Variants in DPYD observed in about 807,000 individuals in gnomAD.
DPYD encodes the protein dihydropyrimidine dehydrogenase, also known as dihydropyrimidine dehydrogenase [NADP(+)].
Under a neutral mutation model 116.2 loss-of-function variants are expected in DPYD, and 109 were observed. The observed-to-expected ratio is 0.94, with a 90% CI of 0.80 to 1.10. The LOEUF is 1.10. DPYD is among the 50% of genes least tolerant of loss of function. DPYD has a pLI of 0.00. For synonymous variants in DPYD, 440 were observed against 432.0 expected, an observed-to-expected ratio of 1.02 and a Z score of -0.23; for missense variants, 1,302 against 1,254.5, an observed-to-expected ratio of 1.04 and a Z score of -0.57.
intron 12 of DPYD, among the ~76,000 whole-genome samples, chr1:97,539,192 G>A (rs887401998): frequency 6.6e-6 from 1 of 152,000 alleles, no homozygotes; most frequent in Non-Finnish European, 1.5e-5. Flanking sequence ...CTATTCAACG[G>A]CAATTATTCT....
intron 14 of DPYD, among the ~76,000 whole-genome samples, chr1:97,441,441 T>C (rs1187324285): frequency 6.6e-6 from 1 of 152,076 alleles, no homozygotes; most frequent in Non-Finnish European, 1.5e-5. Flanking sequence ...GCTTTTATTG[T>C]TATATTTTTA....
intron 20 of DPYD, among the ~76,000 whole-genome samples, chr1:97,173,034 T>C (rs1656849837): frequency 6.6e-6 from 1 of 152,032 alleles, no homozygotes; most frequent in African/African-American, 2.4e-5. Flanking sequence ...GGTAATTGAA[T>C]GGTTACGGGC....
At chr1:97,290,006 C>G (rs940376466) in intron 18 of DPYD, among the ~76,000 whole-genome samples, 3 of 152,138 alleles carry the variant, frequency 2.0e-5, no homozygotes, top group African/African-American at 7.2e-5. Context: ...GATACAAAAT[C>G]AATGTACAAA....
chr1:97,885,278 T>A (rs1321916639), intron 1 of DPYD, among the ~76,000 whole-genome samples: 2 of 152,014 alleles, frequency 1.3e-5, no homozygotes, highest in Non-Finnish European at 2.9e-5. Flanking sequence ...CAGAGAACTA[T>A]CAAAAAGACC....
intron 2 of DPYD, among the ~76,000 whole-genome samples, chr1:97,859,055 C>A (rs920637540): frequency 6.6e-6 from 1 of 151,980 alleles, no homozygotes; most frequent in African/African-American, 2.4e-5. Context: ...TTGATAATTT[C>A]CCTCCTTTTT....
intron 3 of DPYD, among the ~76,000 whole-genome samples, chr1:97,810,235 C>T (rs1255603726): frequency 3.0e-5 from 4 of 131,460 alleles, no homozygotes; most frequent in South Asian, 2.4e-4. Context: ...TGCAGTGAGC[C>T]GAGATCATGC....
chr1:97,693,758 A>T (rs951165236), intron 6 of DPYD, among the ~76,000 whole-genome samples: 1 of 152,222 alleles, frequency 6.6e-6, no homozygotes, highest in Non-Finnish European at 1.5e-5. Context: ...GAGAATCTTA[A>T]ATACATCCAG....
At chr1:97,436,250 C>T (rs781499616) in intron 14 of DPYD, among the ~76,000 whole-genome samples, 1 of 151,848 alleles carries the variant, frequency 6.6e-6, no homozygotes, top group Non-Finnish European at 1.5e-5. Flanking sequence ...GAGTTGAGAT[C>T]GCAACACGAA....
At chr1:97,563,211 T>C (rs775639335) in intron 11 of DPYD, among the ~76,000 whole-genome samples, 6 of 152,202 alleles carry the variant, frequency 3.9e-5, no homozygotes, top group Non-Finnish European at 8.8e-5. Context: ...CATCTTGATT[T>C]TACATCTCAC....
At chr1:97,116,927 T>C (rs1652010694) in intron 20 of DPYD, among the ~76,000 whole-genome samples, 1 of 147,106 alleles carries the variant, frequency 6.8e-6, no homozygotes, top group South Asian at 2.1e-4. Flanking sequence ...GGTGGGTGGA[T>C]CACCTGAGGT....
At chr1:97,402,539 T>G (rs1253761402) in intron 14 of DPYD, among the ~76,000 whole-genome samples, 3 of 152,120 alleles carry the variant, frequency 2.0e-5, no homozygotes, top group Non-Finnish European at 4.4e-5. Flanking sequence ...TGATTTTCTA[T>G]GTACACAATA....
intron 16 of DPYD, among the ~76,000 whole-genome samples, chr1:97,370,248 G>A (rs574871344): frequency 1.1e-4 from 16 of 152,148 alleles, no homozygotes; most frequent in South Asian, 8.3e-4. Flanking sequence ...ATAAAAAATC[G>A]AGTTTATGTG....
intron 2 of DPYD, among the ~76,000 whole-genome samples, chr1:97,831,490 T>C (rs1459370511): frequency 1.3e-5 from 2 of 152,166 alleles, no homozygotes; most frequent in Admixed American, 6.5e-5. Context: ...AAGTTATTCA[T>C]TCTTGGGGAT....
At chr1:97,791,337 C>T (rs1667310551) in intron 3 of DPYD, among the ~76,000 whole-genome samples, 1 of 152,140 alleles carries the variant, frequency 6.6e-6, no homozygotes, top group African/African-American at 2.4e-5. Context: ...CTACTAGACT[C>T]ACAATATGAT....
chr1:97,662,132 C>T (rs2100870368), intron 8 of DPYD, among the ~76,000 whole-genome samples: 1 of 151,180 alleles, frequency 6.6e-6, no homozygotes, highest in African/African-American at 2.4e-5. Context: ...TCCCTAGTAG[C>T]TGGGACTACA....
intron 10 of DPYD, among the ~76,000 whole-genome samples, chr1:97,587,306 C>G (rs1654194475): frequency 6.6e-6 from 1 of 152,204 alleles, no homozygotes; most frequent in Non-Finnish European, 1.5e-5. Context: ...TCGTTTTCAG[C>G]TACCTTCAGA....
intron 20 of DPYD, among the ~76,000 whole-genome samples, chr1:97,176,670 T>C (rs75639845): frequency 6.9e-4 from 105 of 152,270 alleles, no homozygotes; most frequent in East Asian, 2.5e-3. Flanking sequence ...AGCACTGAAC[T>C]GGGATGTTGG....
chr1:97,567,766 C>CA (rs1570973650), intron 11 of DPYD, among the ~76,000 whole-genome samples: 2 of 151,882 alleles, frequency 1.3e-5, no homozygotes, highest in African/African-American at 4.8e-5. Context: ...TTACACTAAA[C>CA]AAAAAAATGT....
chr1:97,273,565 A>G (rs998503206), intron 18 of DPYD, among the ~76,000 whole-genome samples: 19 of 152,176 alleles, frequency 1.2e-4, no homozygotes, highest in African/African-American at 4.1e-4. Flanking sequence ...AGAGAGGACT[A>G]AGGAAGGTGG....
Sources: gnomAD v4.1 joint callset for allele counts (sites outside exome capture counted in the v4.1 genomes callset) on GRCh38, gnomAD v4.1.1 for gene constraint, MANE v1.5 for transcripts, NCBI Gene and HGNC (gene_info 2026-07-23, HGNC 2026-07-21) for gene names.